The following TPRG1 variants were observed in gnomAD, a reference collection of about 807,000 sequenced individuals.
TPRG1 encodes tumor protein p63 regulated 1.
A neutral mutation model predicts 29.3 loss-of-function variants in TPRG1; 29 were observed. That is an observed-to-expected ratio of 0.99 (90% CI 0.74 to 1.35). The LOEUF (loss-of-function observed/expected upper bound fraction) is 1.35. Ranked by LOEUF, TPRG1 falls within the 40% of genes most tolerant of loss-of-function variation. TPRG1 has a pLI of 0.00. For missense variants in TPRG1, 327 were observed against 335.0 expected (o/e 0.98, Z 0.19); for synonymous variants, 130 against 116.8 (o/e 1.11, Z -0.73).
chr3:189,102,362 G>A (rs573180578), intron 1 of TPRG1, among the ~76,000 whole-genome samples: 65 of 152,186 alleles, frequency 4.3e-4, no homozygotes, highest in African/African-American at 1.5e-3. Context: ...CACTCAAATG[G>A]CCCACAGGCA....
intron 3 of TPRG1, chr3:189,218,077 A>G (rs1254215187): frequency 2.1e-6 from 2 of 964,454 alleles, no homozygotes; most frequent in African/African-American, 3.5e-5. Flanking sequence ...GAGCTGTAAT[A>G]TGGACCAACT....
At chr3:189,068,724 C>A (rs1322826376) in intron 4 of TPRG1, among the ~76,000 whole-genome samples, 1 of 151,692 alleles carries the variant, frequency 6.6e-6, no homozygotes, top group Non-Finnish European at 1.5e-5. Context: ...TGCGGTGAGC[C>A]GAGATTGTGC....
chr3:189,102,222 T>C (rs78245167), intron 1 of TPRG1, among the ~76,000 whole-genome samples: 7,392 of 152,266 alleles, frequency 0.049, 272 homozygotes, highest in Non-Finnish European at 0.069. Flanking sequence ...TGGCCTCAGT[T>C]TCCTCATCTG....
chr3:189,178,102 G>A (rs1729731084), intron 1 of TPRG1, among the ~76,000 whole-genome samples: 1 of 152,234 alleles, frequency 6.6e-6, no homozygotes, highest in Admixed American at 6.5e-5. Context: ...ACAATGGGAA[G>A]AAAGGAATTG....
intron 4 of TPRG1, among the ~76,000 whole-genome samples, chr3:189,266,055 T>G (rs1272100005): frequency 6.6e-6 from 1 of 152,170 alleles, no homozygotes; most frequent in Non-Finnish European, 1.5e-5. Context: ...ATGTTCATGT[T>G]GTTTAGAAGT....
chr3:189,083,295 AATG>A (rs1456583408), intron 4 of TPRG1, among the ~76,000 whole-genome samples: 1 of 152,072 alleles, frequency 6.6e-6, no homozygotes, highest in African/African-American at 2.4e-5. Context: ...TTCGGCTGCT[AATG>A]ATGGGTGGAG....
intron 4 of TPRG1, among the ~76,000 whole-genome samples, chr3:189,074,607 C>G (rs140995621): frequency 6.9e-4 from 105 of 152,198 alleles, no homozygotes; most frequent in African/African-American, 2.5e-3. Context: ...ATCATTCTTT[C>G]ATGTTTTTAT....
At chr3:189,153,491 A>T (rs944561353) in intron 5 of TPRG1, among the ~76,000 whole-genome samples, 2 of 152,104 alleles carry the variant, frequency 1.3e-5, no homozygotes, top group African/African-American at 4.8e-5. Context: ...GAGGCAAGGT[A>T]TCTTGGATTT....
intron 4 of TPRG1, among the ~76,000 whole-genome samples, chr3:189,062,946 T>C (rs1716210129): frequency 6.6e-6 from 1 of 151,982 alleles, no homozygotes; most frequent in Non-Finnish European, 1.5e-5. Context: ...ATAAATTATC[T>C]GAATACATCA....
chr3:189,299,476 C>T (rs7647662), intron 4 of TPRG1, among the ~76,000 whole-genome samples: 72,109 of 151,926 alleles, frequency 0.47, 19,218 homozygotes, highest in African/African-American at 0.72. Flanking sequence ...AAGGATTTCT[C>T]TCATCTCCCT....
intron 1 of TPRG1, among the ~76,000 whole-genome samples, chr3:189,118,995 A>G (rs560764988): frequency 2.6e-5 from 4 of 152,346 alleles, no homozygotes; most frequent in Non-Finnish European, 5.9e-5. Flanking sequence ...AGGTCTACAT[A>G]CAGCTTGCAC....
intron 4 of TPRG1, among the ~76,000 whole-genome samples, chr3:189,090,372 T>A (rs1417256462): frequency 6.6e-6 from 1 of 152,116 alleles, no homozygotes; most frequent in Admixed American, 6.5e-5. Context: ...AATTTTTGCT[T>A]CATAGCAGGC....
intron 4 of TPRG1, among the ~76,000 whole-genome samples, chr3:189,035,991 T>C (rs1234365117): frequency 3.3e-5 from 5 of 152,098 alleles, no homozygotes; most frequent in Non-Finnish European, 7.4e-5. Flanking sequence ...TGAAGCACTA[T>C]TCACAATAGG....
At chr3:189,045,532 A>C (rs1041045688) in intron 4 of TPRG1, among the ~76,000 whole-genome samples, 2 of 152,242 alleles carry the variant, frequency 1.3e-5, no homozygotes, top group African/African-American at 4.8e-5. Flanking sequence ...AGGTTACTTG[A>C]TCTGTCTACA....
intron 4 of TPRG1, among the ~76,000 whole-genome samples, chr3:189,032,584 CCTTTTTTTTT>C (rs1251219817): frequency 1.3e-5 from 2 of 150,422 alleles, no homozygotes; most frequent in African/African-American, 5.0e-5. Flanking sequence ...ATTAATCTCT[CCTTTTTTTTT>C]CTTTTTTTTT....
At chr3:189,115,995 G>T (rs1721119108) in intron 1 of TPRG1, among the ~76,000 whole-genome samples, 1 of 152,130 alleles carries the variant, frequency 6.6e-6, no homozygotes, top group Non-Finnish European at 1.5e-5. Flanking sequence ...ACCACTGTTG[G>T]CAAGGATGTG....
rs1253413503 is a variant in TPRG1 at position 189,219,517 on chromosome 3, T to TG, written c.302+4135dup. The TG allele has an allele frequency of 7.5e-5, 59 of 789,146 alleles. No individual in the cohort carries two copies. In the African/African-American group the frequency reaches 1.2e-3, roughly 16 times the overall value. The allele number at this position is 789,146 out of a possible 1,614,324, so 48.9% of individuals were successfully genotyped here. On this transcript the variant is annotated intron_variant, in intron 3 of 5. Coordinates refer to ENST00000345063, the MANE Select transcript of TPRG1 (RefSeq NM_198485.4). ...CTATTACCTTTCTTATTGGCCCTTC[T>TG]GAAAAAAAAAAAAAAAGATTATTTT... is the stretch of plus-strand genomic sequence containing the variant.
chr3:189,196,295 A>C (rs1161962498), intron 1 of TPRG1, among the ~76,000 whole-genome samples: 1 of 152,182 alleles, frequency 6.6e-6, no homozygotes, highest in African/African-American at 2.4e-5. Flanking sequence ...CTTTCAGAAA[A>C]ATAATCCTGT....
chr3:189,064,881 A>G (rs537779694), intron 4 of TPRG1, among the ~76,000 whole-genome samples: 72 of 152,302 alleles, frequency 4.7e-4, no homozygotes, highest in Middle Eastern at 3.4e-3. Flanking sequence ...TTAATAATTT[A>G]AAAACTAATA....
Sources: gnomAD v4.1 joint callset for allele counts (sites outside exome capture counted in the v4.1 genomes callset) on GRCh38, gnomAD v4.1.1 for gene constraint, MANE v1.5 for transcripts, NCBI Gene and HGNC (gene_info 2026-07-23, HGNC 2026-07-21) for gene names.